ACYP2: variants seen among roughly 807,000 people sequenced by gnomAD.
ACYP2 encodes the protein acylphosphatase-2.
ACYP2 carries 12 observed loss-of-function variants against 11.2 expected under a neutral mutation model. The ratio of observed to expected loss-of-function variants is 1.08; its 90% CI spans 0.69 to 1.74. ACYP2 has a LOEUF of 1.74. ACYP2 is among the 40% of genes most tolerant of loss of function. ACYP2 has a pLI of 0.00. For missense variants in ACYP2, 134 were observed against 101.9 expected (o/e 1.31, Z -1.35); for synonymous variants, 43 against 32.2 (o/e 1.33, Z -1.13).
chr2:54,004,894 CAAAAAA>C (rs754230632), intron 2 of ACYP2, among the ~76,000 whole-genome samples: 6 of 31,932 alleles, frequency 1.9e-4, no homozygotes, highest in African/African-American at 6.5e-4. Flanking sequence ...GACTCTGTCT[CAAAAAA>C]AAAAAAAAAA....
intron 5 of ACYP2, among the ~76,000 whole-genome samples, chr2:54,138,397 A>G (rs1343839274): frequency 6.6e-6 from 1 of 152,168 alleles, no homozygotes; most frequent in Admixed American, 6.5e-5. Flanking sequence ...CTCTCAGCGT[A>G]GTTTTTCATA....
At chr2:54,175,129 G>A (rs1683400273) in intron 6 of ACYP2, among the ~76,000 whole-genome samples, 1 of 152,128 alleles carries the variant, frequency 6.6e-6, no homozygotes, top group Admixed American at 6.6e-5. Flanking sequence ...TGTACCTCTG[G>A]TAGAATTTGG....
At chr2:54,091,751 A>T (rs1678244906) in intron 4 of ACYP2, among the ~76,000 whole-genome samples, 1 of 151,960 alleles carries the variant, frequency 6.6e-6, no homozygotes, top group East Asian at 1.9e-4. Context: ...ATGTCAAGTG[A>T]TCCACCCGTC....
chr2:54,224,063 C>T (rs1685904446), intron 6 of ACYP2, among the ~76,000 whole-genome samples: 1 of 152,154 alleles, frequency 6.6e-6, no homozygotes, highest in African/African-American at 2.4e-5. Context: ...CTTCTAAATA[C>T]TGTTAGTCCA....
At chr2:54,047,087 A>G (rs778928235) in intron 2 of ACYP2, among the ~76,000 whole-genome samples, 2 of 152,238 alleles carry the variant, frequency 1.3e-5, no homozygotes, top group Non-Finnish European at 2.9e-5. Flanking sequence ...TTGCAAAGGC[A>G]CCAAGGCACT....
intron 6 of ACYP2, among the ~76,000 whole-genome samples, chr2:54,296,561 AT>A (rs1689531729): frequency 6.6e-6 from 1 of 152,188 alleles, no homozygotes; most frequent in Admixed American, 6.5e-5. Context: ...GTCCTTTTCC[AT>A]TCCATAAAAA....
intron 6 of ACYP2, among the ~76,000 whole-genome samples, chr2:54,304,212 A>T (rs1378533710): frequency 1.3e-5 from 1 of 77,526 alleles, no homozygotes; most frequent in Non-Finnish European, 2.4e-5. Context: ...TTCATTATAT[A>T]TATGTCTGTG....
Position 54,064,341 on chromosome 2 carries a change from G to A in ACYP2, c.277+6981G>A, listed in dbSNP as rs1001612933. 3.9e-5 allele frequency among the ~76,000 whole-genome samples: 6 copies of A among 152,318 alleles called. No homozygotes were observed. In the South Asian group the frequency reaches 1.2e-3, roughly 32 times the overall value. On this transcript the variant is annotated intron_variant, in intron 4 of 6. Coordinates refer to ENST00000607452, the MANE Select transcript of ACYP2 (RefSeq NM_001320586.2). ...CAGCCAGTATCTGGGTCGGGAGCCA[G>A]AAGCAGAACAGTGAGGGCTTCTCCT...
At chr2:54,153,471 T>G (rs1682281600) in intron 6 of ACYP2, among the ~76,000 whole-genome samples, 1 of 151,432 alleles carries the variant, frequency 6.6e-6, no homozygotes, top group Non-Finnish European at 1.5e-5. Flanking sequence ...TTTTTTTTTT[T>G]TTTTCATGTG....
intron 5 of ACYP2, among the ~76,000 whole-genome samples, chr2:54,137,862 C>T (rs1681350412): frequency 6.6e-6 from 1 of 152,128 alleles, no homozygotes; most frequent in Admixed American, 6.6e-5. Flanking sequence ...TGCCACAGTG[C>T]TTTCCACAGT....
intron 6 of ACYP2, among the ~76,000 whole-genome samples, chr2:54,275,287 A>G (rs139495964): frequency 2.0e-5 from 3 of 152,316 alleles, no homozygotes; most frequent in East Asian, 1.9e-4. Flanking sequence ...CCTAAATCTG[A>G]GTATACTTTT....
chr2:53,972,064 C>T (rs1253857498), intron 1 of ACYP2, among the ~76,000 whole-genome samples: 1 of 152,138 alleles, frequency 6.6e-6, no homozygotes, highest in Non-Finnish European at 1.5e-5. Flanking sequence ...AATCCCAGCA[C>T]TTTGGGAGGC....
intron 6 of ACYP2, among the ~76,000 whole-genome samples, chr2:54,277,511 C>G (rs990883543): frequency 6.6e-6 from 1 of 152,016 alleles, no homozygotes. Context: ...AACCCCGTCT[C>G]TACTAAAAAT....
chr2:54,210,939 A>G (rs746544535), intron 6 of ACYP2, among the ~76,000 whole-genome samples: 3 of 152,212 alleles, frequency 2.0e-5, no homozygotes, highest in Non-Finnish European at 1.5e-5. Context: ...CTTATTTCCA[A>G]TAAATTGATA....
chr2:54,207,079 G>A (rs1161539865), intron 6 of ACYP2, among the ~76,000 whole-genome samples: 2 of 151,006 alleles, frequency 1.3e-5, no homozygotes, highest in Non-Finnish European at 2.9e-5. Context: ...GTATGTGTCT[G>A]TATATATGTT....
chr2:54,165,531 TCTCTCACACACACACACACA>T (rs1230375566), intron 6 of ACYP2, among the ~76,000 whole-genome samples: 1 of 119,566 alleles, frequency 8.4e-6, no homozygotes, highest in African/African-American at 2.8e-5. Context: ...TCTCTCTCTC[TCTCTCACACACACACACACA>T]CACACACACA....
intron 6 of ACYP2, among the ~76,000 whole-genome samples, chr2:54,143,761 G>GT (rs1553380122): frequency 1.6e-5 from 2 of 126,534 alleles, no homozygotes; most frequent in South Asian, 3.0e-4. Context: ...TTTTTTTGGG[G>GT]GGGGGGTATT....
chr2:53,974,511 C>A (rs146600575), intron 2 of ACYP2, among the ~76,000 whole-genome samples: 235 of 152,166 alleles, frequency 1.5e-3, no homozygotes, highest in African/African-American at 5.4e-3. Context: ...ATTGAAGAAG[C>A]CTTAGAGTAG....
chr2:54,094,426 C>T (rs973629708), intron 4 of ACYP2, among the ~76,000 whole-genome samples: 8 of 151,978 alleles, frequency 5.3e-5, no homozygotes, highest in Non-Finnish European at 1.0e-4. Context: ...GACGGGGTTT[C>T]ACATGTTTGC....
Sources: gnomAD v4.1 joint callset for allele counts (sites outside exome capture counted in the v4.1 genomes callset) on GRCh38, gnomAD v4.1.1 for gene constraint, MANE v1.5 for transcripts, NCBI Gene and HGNC (gene_info 2026-07-23, HGNC 2026-07-21) for gene names.